C1orf105: variants seen among roughly 807,000 people sequenced by gnomAD.
C1orf105 encodes chromosome 1 open reading frame 105.
Under a neutral mutation model 20.8 loss-of-function variants are expected in C1orf105, and 17 were observed. The ratio of observed to expected loss-of-function variants is 0.82; its 90% CI spans 0.56 to 1.23. The LOEUF (loss-of-function observed/expected upper bound fraction) is 1.23, where lower values mean the gene tolerates loss of function less well. Ranked by LOEUF, C1orf105 falls within the 50% of genes most tolerant of loss-of-function variation. The pLI, the probability that C1orf105 is intolerant of heterozygous loss-of-function variation, is 0.00. For missense variants in C1orf105, 219 were observed against 213.5 expected, an observed-to-expected ratio of 1.03 and a Z score of -0.16; for synonymous variants, 72 against 72.1, an observed-to-expected ratio of 1.00 and a Z score of 0.01.
At chr1:172,439,060 T>C (rs928351267) in intron 1 of C1orf105, among the ~76,000 whole-genome samples, 9 of 152,206 alleles carry the variant, frequency 5.9e-5, no homozygotes, top group African/African-American at 1.9e-4. Flanking sequence ...AACCAAAAAA[T>C]TCATGTGATT....
At chr1:172,430,514 C>G (rs775112395) in intron 1 of C1orf105, among the ~76,000 whole-genome samples, 2 of 152,150 alleles carry the variant, frequency 1.3e-5, no homozygotes, top group Non-Finnish European at 2.9e-5. Flanking sequence ...GAACACAACT[C>G]ACTGCATTCT....
At chr1:172,433,249 A>G (rs746964473) in intron 1 of C1orf105, among the ~76,000 whole-genome samples, 1 of 152,222 alleles carries the variant, frequency 6.6e-6, no homozygotes. Flanking sequence ...GGAAATACAC[A>G]GAACACCACA....
rs1009792919 is a variant in C1orf105 at position 172,452,780 on chromosome 1, A to G, written c.199-3635A>G. On this transcript the variant is annotated intron_variant, in intron 3 of 6. Coordinates refer to ENST00000367727, the MANE Select transcript of C1orf105 (RefSeq NM_139240.4). ...CATAGGTTGCTGTCACTCTCCTGTC[A>G]CAACTGCCATCTGCTATCCAGAGGA... 8 of 1,339,532 alleles carry G rather than the reference A, an allele frequency of 6.0e-6. No homozygotes were observed. The African/African-American group carries it at 1.0e-4, about 17-fold the overall frequency. 83.0% of individuals were successfully genotyped at this position (1,339,532 alleles called of 1,614,324 possible).
chr1:172,436,419 G>A (rs1210127430), intron 1 of C1orf105, among the ~76,000 whole-genome samples: 3 of 152,102 alleles, frequency 2.0e-5, no homozygotes, highest in African/African-American at 7.2e-5. Flanking sequence ...ACAGAACAGA[G>A]GCCTCAGAAA....
intron 1 of C1orf105, among the ~76,000 whole-genome samples, chr1:172,425,409 G>A (rs180743483): frequency 2.6e-5 from 4 of 152,088 alleles, no homozygotes; most frequent in South Asian, 2.1e-4. Context: ...GTTATTGTTC[G>A]TCAAGTTACA....
chr1:172,426,134 T>C (rs1246077625), intron 1 of C1orf105, among the ~76,000 whole-genome samples: 1 of 152,134 alleles, frequency 6.6e-6, no homozygotes, highest in Non-Finnish European at 1.5e-5. Context: ...ATCTTCAACC[T>C]ATTCTCTGGA....
intron 5 of C1orf105, among the ~76,000 whole-genome samples, chr1:172,463,263 A>G (rs1291167805): frequency 6.6e-6 from 1 of 152,270 alleles, no homozygotes; most frequent in Non-Finnish European, 1.5e-5. Flanking sequence ...TGACTAACCA[A>G]AAAAGCTATA....
chr1:172,434,571 A>G (rs2071976117), intron 1 of C1orf105, among the ~76,000 whole-genome samples: 1 of 152,260 alleles, frequency 6.6e-6, no homozygotes, highest in Non-Finnish European at 1.5e-5. Context: ...CAAAGACACA[A>G]CATACCAGAA....
intron 3 of C1orf105, among the ~76,000 whole-genome samples, chr1:172,454,899 C>T (rs896829610): frequency 2.0e-5 from 3 of 152,162 alleles, no homozygotes; most frequent in African/African-American, 7.2e-5. Context: ...ATTTAAATGT[C>T]TCCAGTACCT....
chr1:172,437,901 T>C (rs2072094978), intron 1 of C1orf105, among the ~76,000 whole-genome samples: 1 of 152,164 alleles, frequency 6.6e-6, no homozygotes, highest in Non-Finnish European at 1.5e-5. Flanking sequence ...GAAGTCAATG[T>C]CTGGCTTCAA....
intron 1 of C1orf105, among the ~76,000 whole-genome samples, chr1:172,437,700 T>C (rs1290797494): frequency 2.0e-5 from 3 of 150,568 alleles, no homozygotes; most frequent in African/African-American, 7.3e-5. Flanking sequence ...AACCTGCACA[T>C]TGTGCACATG....
Position 172,442,356 on chromosome 1 carries a change from A to G in C1orf105, c.22-2717A>G, listed in dbSNP as rs2230471. The G allele has an allele frequency of 0.85, 1,367,867 of 1,612,940 alleles. 582,100 individuals are homozygous for G. Among genetic ancestry groups the G allele is most frequent in the East Asian group, 1 (44,854 of 44,880 alleles). ...CATACCCAATCAGTGAAGAAGCCAG[A>G]CCAGTCCCTAAAAGCCAATGGGGGG... On this transcript the variant is annotated intron_variant, in intron 1 of 6. Transcript: ENST00000367727.
chr1:172,459,419 G>C (rs571205658), intron 4 of C1orf105, among the ~76,000 whole-genome samples: 6 of 152,190 alleles, frequency 3.9e-5, no homozygotes, highest in Admixed American at 2.6e-4. Flanking sequence ...ATCTACAAAT[G>C]ACCAATAAAC....
intron 4 of C1orf105, among the ~76,000 whole-genome samples, chr1:172,458,921 G>A (rs562006269): frequency 5.0e-4 from 76 of 152,180 alleles, no homozygotes; most frequent in African/African-American, 1.6e-3. Context: ...TTTGACAAAG[G>A]CACCAAGACA....
chr1:172,421,313 T>C (rs1049134641), intron 1 of C1orf105, among the ~76,000 whole-genome samples: 4 of 152,124 alleles, frequency 2.6e-5, no homozygotes, highest in Non-Finnish European at 5.9e-5. Context: ...GAAGTTAAGA[T>C]TGCTGAGAAA....
At chr1:172,430,440 AC>A in intron 1 of C1orf105, 2 of 600,838 alleles carry the variant, frequency 3.3e-6, no homozygotes, top group East Asian at 2.8e-5. Flanking sequence ...TTTTTCTTAA[AC>A]CTTTTTTTAT....
chr1:172,446,897 C>T (rs111491192), intron 2 of C1orf105, among the ~76,000 whole-genome samples: 2,964 of 152,300 alleles, frequency 0.019, 50 homozygotes, highest in Non-Finnish European at 0.031. Context: ...CTTAGGCAGG[C>T]AGTGAAGCTC....
chr1:172,456,907 G>A (rs1211145200), intron 4 of C1orf105, among the ~76,000 whole-genome samples: 1 of 152,180 alleles, frequency 6.6e-6, no homozygotes, highest in Admixed American at 6.5e-5. Context: ...GTTAATTTAG[G>A]TAGCACCTCA....
chr1:172,421,593 T>C (rs2149152347), intron 1 of C1orf105, among the ~76,000 whole-genome samples: 1 of 152,212 alleles, frequency 6.6e-6, no homozygotes, highest in African/African-American at 2.4e-5. Context: ...CAGAGCAAGA[T>C]GGCCAAACAG....
Sources: allele counts gnomAD v4.1 joint callset (sites outside exome capture counted in the v4.1 genomes callset), GRCh38; gene constraint gnomAD v4.1.1; transcripts MANE v1.5; gene names NCBI Gene and HGNC (gene_info 2026-07-23, HGNC 2026-07-21).